SP110: variants seen among roughly 807,000 people sequenced by gnomAD.
SP110 encodes the protein interferon-induced protein 41, 30kD.
In SP110, 62 loss-of-function variants were observed where a neutral mutation model predicts 92.7. The observed-to-expected ratio is 0.67, with a 90% CI of 0.55 to 0.83. The LOEUF (loss-of-function observed/expected upper bound fraction) is 0.83. SP110 is among the 40% of genes least tolerant of loss of function. SP110 has a pLI of 0.00. For synonymous variants in SP110, 273 were observed against 305.3 expected (o/e 0.89, Z 1.10); for missense variants, 793 against 863.9 (o/e 0.92, Z 1.03).
intron 14 of SP110, among the ~76,000 whole-genome samples, chr2:230,174,636 T>C (rs2041769295): frequency 6.6e-6 from 1 of 152,262 alleles, no homozygotes; most frequent in African/African-American, 2.4e-5. Flanking sequence ...CAAGCCCTTC[T>C]GGAGACGGAG....
At chr2:230,176,624 G>A in intron 14 of SP110, 1 of 1,613,880 alleles carries the variant, frequency 6.2e-7, no homozygotes, top group Non-Finnish European at 8.5e-7. Context: ...CCTCCAGACA[G>A]GGAAAGTCTG....
At chr2:230,182,706 T>G (rs2042182389) in intron 12 of SP110, among the ~76,000 whole-genome samples, 1 of 152,158 alleles carries the variant, frequency 6.6e-6, no homozygotes, top group African/African-American at 2.4e-5. Context: ...TTGAGCTGCG[T>G]GCTGGGTGTG....
At chr2:230,174,908 A>AT in intron 14 of SP110, among the ~76,000 whole-genome samples, 1 of 152,236 alleles carries the variant, frequency 6.6e-6, no homozygotes, top group South Asian at 2.1e-4. Flanking sequence ...TATTCTCCCA[A>AT]CCTGGCCCTG....
intron 18 of SP110, 89 bp downstream of exon 18, chr2:230,170,532 A>G: frequency 6.7e-7 from 1 of 1,483,450 alleles, no homozygotes; most frequent in Non-Finnish European, 9.4e-7. Flanking sequence ...CCAGGCTGAA[A>G]CTGAGTGTAA....
chr2:230,206,057 A>G (rs1038941991), intron 8 of SP110, among the ~76,000 whole-genome samples: 1 of 152,128 alleles, frequency 6.6e-6, no homozygotes, highest in African/African-American at 2.4e-5. Flanking sequence ...CTTAGAATGG[A>G]ATCATTTCTG....
Position 230,168,917 on chromosome 2 carries a change from A to ATTTTTTTTTTTTT in SP110, c.*194_*206dup. 10 of 424,726 alleles carry ATTTTTTTTTTTTT rather than the reference A, an allele frequency of 2.4e-5. No individual in the cohort carries two copies. The highest frequency in any genetic ancestry group is 3.6e-5 in the Admixed American group (1 of 27,812). The allele number at this position is 424,726 out of a possible 1,614,324, so 26.3% of individuals were successfully genotyped here. A position where few individuals can be genotyped will look rare whatever the true frequency, so the allele number is the denominator to read the frequency against. On this transcript the variant is annotated 3_prime_UTR_variant, in exon 19 of 19. Coordinates refer to ENST00000258381, the MANE Select transcript of SP110 (RefSeq NM_080424.4). ...ATCTGATGGTATTAAGGAAGTATTA[A>ATTTTTTTTTTTTT]TTTTTTTTTTTTTTAGTGTAGATAT...
At position 230,172,183 on chromosome 2, in the gene SP110, T is replaced by G; in HGVS notation, c.1707-9A>C. 2 of 1,568,062 alleles carry G rather than the reference T, an allele frequency of 1.3e-6. No individual in the cohort carries two copies. The highest frequency in any genetic ancestry group is 1.8e-6 in the Non-Finnish European group (2 of 1,137,552). On this transcript the variant is annotated splice_polypyrimidine_tract_variant and intron_variant, in intron 15 of 18. Transcript: ENST00000258381. ...TGCAACTCCACAGCATCCTGAGAGG[T>G]TGGACACAAGGTGAGCAGAGGGCAA... is the stretch of plus-strand genomic sequence containing the variant.
chr2:230,220,235 G>T, upstream of SP110: 1 of 185,010 alleles, frequency 5.4e-6, no homozygotes, highest in African/African-American at 2.4e-5. Flanking sequence ...GCGGCAATAG[G>T]AACTGGGAAC....
chr2:230,192,707 A>C (rs1019981778), intron 10 of SP110, among the ~76,000 whole-genome samples: 4 of 152,238 alleles, frequency 2.6e-5, no homozygotes, highest in Admixed American at 6.5e-5. Flanking sequence ...CATACTGCCC[A>C]AAGTAATTTA....
At position 230,172,596 on chromosome 2, in the gene SP110, G is replaced by A. The variant is rs145735833; in HGVS notation, c.1706+248C>T. ...CACAGAACATAAGCTGGCTTTTCCCGTCCCCTCCTCCTTTTGGACAGGAGT... is the reference window on the plus strand; with the variant it reads ...CACAGAACATAAGCTGGCTTTTCCCATCCCCTCCTCCTTTTGGACAGGAGT... On this transcript the variant is annotated intron_variant, in intron 15 of 18. Coordinates refer to ENST00000258381, the MANE Select transcript of SP110 (RefSeq NM_080424.4). The A allele has an allele frequency of 9.6e-4, 526 of 550,518 alleles. 2 individuals are homozygous for A. The East Asian group carries it at 0.012, about 13-fold the overall frequency. 34.1% of individuals were successfully genotyped at this position (550,518 alleles called of 1,614,324 possible).
At chr2:230,189,172 T>A (rs1008280634) in intron 10 of SP110, among the ~76,000 whole-genome samples, 1 of 152,148 alleles carries the variant, frequency 6.6e-6, no homozygotes, top group African/African-American at 2.4e-5. Context: ...GTTTAATTGA[T>A]CTTTTTTATT....
intron 10 of SP110, among the ~76,000 whole-genome samples, chr2:230,192,644 T>C (rs909503647): frequency 1.3e-5 from 2 of 152,068 alleles, no homozygotes; most frequent in African/African-American, 4.8e-5. Flanking sequence ...AGGACACAAA[T>C]GGAAAAACAT....
chr2:230,214,595 T>C (rs1229052063), intron 3 of SP110, among the ~76,000 whole-genome samples: 4 of 152,254 alleles, frequency 2.6e-5, no homozygotes, highest in African/African-American at 9.6e-5. Flanking sequence ...CATTCATTTT[T>C]TCTTCCTCCC....
At chr2:230,219,383 G>T (rs754777863) in intron 1 of SP110, among the ~76,000 whole-genome samples, 2 of 152,218 alleles carry the variant, frequency 1.3e-5, no homozygotes, top group Non-Finnish European at 2.9e-5. Flanking sequence ...GGCTGATTTA[G>T]TAATCAGTGT....
rs999672885 is a variant in SP110 at position 230,165,509 on chromosome 2, T to C, written c.*3615A>G. Among the ~76,000 whole-genome samples, 1 of 152,310 alleles carries C rather than the reference T, an allele frequency of 6.6e-6. No homozygotes were observed. On this transcript the variant is annotated 3_prime_UTR_variant, in exon 19 of 19. Coordinates refer to ENST00000258381, the MANE Select transcript of SP110 (RefSeq NM_080424.4). ...TTTATATGACATAGGACATGACAAA[T>C]AATTTACATAATGTGAAACTAACAA...
At chr2:230,210,699 C>A (rs1042387460) in intron 6 of SP110, among the ~76,000 whole-genome samples, 2 of 152,206 alleles carry the variant, frequency 1.3e-5, no homozygotes, top group African/African-American at 4.8e-5. Context: ...GAAGCCATAA[C>A]AAATAAAGGC....
chr2:230,224,948 G>A (rs2046152951), upstream of SP110, among the ~76,000 whole-genome samples: 2 of 152,164 alleles, frequency 1.3e-5, no homozygotes, highest in Admixed American at 1.3e-4. Context: ...GATATAGTGT[G>A]TTTTTGTAAA....
rs1268976908 is a variant in SP110, at chr2:230,167,758, C to A, written c.*1366G>T. Reference sequence around the variant, plus strand: ...CAAGTATGAATGGGGTCTGCCAGTACCATGTGGAGCAAAGGGAAGCATCCT... The same window carrying A: ...CAAGTATGAATGGGGTCTGCCAGTAACATGTGGAGCAAAGGGAAGCATCCT... On this transcript the variant is annotated 3_prime_UTR_variant, in exon 19 of 19. Transcript: ENST00000258381. The A allele has an allele frequency of 2.0e-5, 3 of 152,118 alleles. No homozygotes were observed. The highest frequency in any genetic ancestry group is 4.8e-5 in the African/African-American group (2 of 41,410). 9.4% of individuals were successfully genotyped at this position (152,118 alleles called of 1,614,324 possible). A position where few individuals can be genotyped will look rare whatever the true frequency, so the allele number is the denominator to read the frequency against.
At chr2:230,219,828 G>T in intron 1 of SP110, 46 bp downstream of exon 1, 1 of 774,842 alleles carries the variant, frequency 1.3e-6, no homozygotes, top group Non-Finnish European at 1.6e-6. Context: ...TCTAAGAGCT[G>T]CAGTCACCAA....
Sources: allele counts gnomAD v4.1 joint callset (sites outside exome capture counted in the v4.1 genomes callset), GRCh38; gene constraint gnomAD v4.1.1; transcripts MANE v1.5; gene names NCBI Gene and HGNC (gene_info 2026-07-23, HGNC 2026-07-21).